NSG2: variants seen among roughly 807,000 people sequenced by gnomAD.
NSG2 encodes neuronal vesicle trafficking associated 2.
A neutral mutation model predicts 16.9 loss-of-function variants in NSG2; 4 were observed. The ratio of observed to expected loss-of-function variants is 0.24; its 90% CI spans 0.12 to 0.54. The LOEUF is 0.54. NSG2 is among the 20% of genes least tolerant of loss of function. NSG2 has a pLI of 0.95. For synonymous variants in NSG2, 98 were observed against 88.7 expected, an observed-to-expected ratio of 1.11 and a Z score of -0.59; for missense variants, 179 against 221.1, an observed-to-expected ratio of 0.81 and a Z score of 1.21.
At chr5:174,103,222 G>A (rs939528251) in intron 3 of NSG2, among the ~76,000 whole-genome samples, 8 of 151,978 alleles carry the variant, frequency 5.3e-5, no homozygotes, top group Non-Finnish European at 1.0e-4. Flanking sequence ...GCTTCCACCC[G>A]GTTGGACATG....
intron 3 of NSG2, among the ~76,000 whole-genome samples, chr5:174,088,393 G>A (rs1157345770): frequency 6.6e-6 from 1 of 152,182 alleles, no homozygotes; most frequent in Non-Finnish European, 1.5e-5. Flanking sequence ...CCTCATTCCA[G>A]TATTTCACAA....
chr5:174,050,718 G>A (rs115852240), intron 2 of NSG2, among the ~76,000 whole-genome samples: 1,667 of 152,244 alleles, frequency 0.011, 20 homozygotes, highest in South Asian at 0.047. Flanking sequence ...CCTGGACCTG[G>A]AAGGGACCTG....
At chr5:174,102,409 T>C (rs1581244343) in intron 3 of NSG2, among the ~76,000 whole-genome samples, 1 of 152,264 alleles carries the variant, frequency 6.6e-6, no homozygotes, top group South Asian at 2.1e-4. Context: ...CTTTCCTCCA[T>C]GAGAAGAATC....
chr5:174,098,555 G>T (rs187902805), intron 3 of NSG2, among the ~76,000 whole-genome samples: 1 of 152,284 alleles, frequency 6.6e-6, no homozygotes, highest in African/African-American at 2.4e-5. Flanking sequence ...CTGGCCCGGG[G>T]TTGCCTGGAG....
intron 3 of NSG2, among the ~76,000 whole-genome samples, chr5:174,087,621 A>T (rs1022115342): frequency 4.6e-5 from 7 of 151,784 alleles, no homozygotes; most frequent in Admixed American, 2.6e-4. Flanking sequence ...CTCTACAAAA[A>T]AATAATAAAA....
chr5:174,097,767 G>A (rs1475249106), intron 3 of NSG2, among the ~76,000 whole-genome samples: 1 of 150,952 alleles, frequency 6.6e-6, no homozygotes, highest in African/African-American at 2.4e-5. Flanking sequence ...GTCTCTGTGT[G>A]TGTACCTTTC....
At chr5:174,096,292 G>A (rs756986361) in intron 3 of NSG2, among the ~76,000 whole-genome samples, 33 of 152,180 alleles carry the variant, frequency 2.2e-4, no homozygotes, top group Admixed American at 6.5e-4. Flanking sequence ...ACAGCGTAGC[G>A]GCTCAACATT....
chr5:174,103,551 T>C (rs1760933289), intron 3 of NSG2, among the ~76,000 whole-genome samples: 4 of 152,076 alleles, frequency 2.6e-5, no homozygotes, highest in Admixed American at 2.6e-4. Context: ...GCGGTGGGGA[T>C]GTAAAGCAGG....
At chr5:174,064,996 C>T (rs1760115847) in intron 3 of NSG2, among the ~76,000 whole-genome samples, 1 of 152,138 alleles carries the variant, frequency 6.6e-6, no homozygotes, top group African/African-American at 2.4e-5. Flanking sequence ...CTAGCCCCAA[C>T]CCTGAATAGA....
At chr5:174,071,153 C>T (rs1017115120) in intron 3 of NSG2, among the ~76,000 whole-genome samples, 1 of 152,216 alleles carries the variant, frequency 6.6e-6, no homozygotes, top group Non-Finnish European at 1.5e-5. Context: ...GCTCACCATT[C>T]TCTCATTAAA....
chr5:174,046,186 T>A (rs1042866449), intron 1 of NSG2: 1 of 152,152 alleles, frequency 6.6e-6, no homozygotes, highest in Non-Finnish European at 1.5e-5. Flanking sequence ...TTTTTTTTGT[T>A]TGTTTTTATT....
intron 3 of NSG2, among the ~76,000 whole-genome samples, chr5:174,095,177 G>A (rs1467911785): frequency 2.6e-5 from 4 of 152,212 alleles, no homozygotes; most frequent in African/African-American, 9.7e-5. Flanking sequence ...AGTGCATGCT[G>A]AGGAGCATGG....
chr5:174,047,024 T>A (rs940222073), intron 2 of NSG2, 140 bp downstream of exon 2: 3 of 842,844 alleles, frequency 3.6e-6, no homozygotes, highest in African/African-American at 1.7e-5. Context: ...ATGTAGTTAT[T>A]CCTTCCAGAG....
At chr5:174,068,609 G>C (rs527519396) in intron 3 of NSG2, among the ~76,000 whole-genome samples, 1 of 151,294 alleles carries the variant, frequency 6.6e-6, no homozygotes, top group South Asian at 2.1e-4. Context: ...ATAGGGTTCT[G>C]GTGTCACGGT....
intron 3 of NSG2, among the ~76,000 whole-genome samples, chr5:174,079,034 C>T (rs1760398993): frequency 6.6e-6 from 1 of 152,118 alleles, no homozygotes; most frequent in Non-Finnish European, 1.5e-5. Context: ...AAAAACCTTG[C>T]CAGAGGGTAT....
At chr5:174,060,014 A>G (rs1760024247) in intron 2 of NSG2, among the ~76,000 whole-genome samples, 1 of 152,216 alleles carries the variant, frequency 6.6e-6, no homozygotes, top group Non-Finnish European at 1.5e-5. Flanking sequence ...ACTGTCACTA[A>G]GGAAGTGGTC....
chr5:174,061,361 A>T (rs1201579469), intron 2 of NSG2, among the ~76,000 whole-genome samples: 1 of 152,234 alleles, frequency 6.6e-6, no homozygotes, highest in Non-Finnish European at 1.5e-5. Context: ...ACCTGCATGT[A>T]TGTTCTTTCA....
At chr5:174,076,622 T>A (rs1190268647) in intron 3 of NSG2, among the ~76,000 whole-genome samples, 1 of 152,166 alleles carries the variant, frequency 6.6e-6, no homozygotes, top group African/African-American at 2.4e-5. Context: ...GGTCTCAATC[T>A]TTGGGCCTCA....
rs1671526920 is a variant in NSG2 at position 174,104,291 on chromosome 5, A to G, written c.277A>G (p.Lys93Glu). ...LACIVFLVVYKAFTYDHSCPE... is the reference protein window; with the variant it reads ...LACIVFLVVYEAFTYDHSCPE... ...GTGCATCGTGTTCCTGGTGGTTTAC[A>G]AAGCCTTCACCTATGATCACAGCTG... Residue 93 changes from lysine to glutamate, a missense_variant, in exon 4 of 5, where the codon AAA becomes GAA. Transcript: ENST00000303177. 1 of 1,614,084 alleles carries G rather than the reference A, an allele frequency of 6.2e-7. No individual in the cohort carries two copies.
Sources: gnomAD v4.1 joint callset for allele counts (sites outside exome capture counted in the v4.1 genomes callset) on GRCh38, gnomAD v4.1.1 for gene constraint, MANE v1.5 for transcripts, NCBI Gene and HGNC (gene_info 2026-07-23, HGNC 2026-07-21) for gene names.